The following SEL1L3 variants were observed in gnomAD, a reference collection of about 807,000 sequenced individuals.
SEL1L3 encodes SEL1L family member 3, also known as protein sel-1 homolog 3.
A neutral mutation model predicts 142.8 loss-of-function variants in SEL1L3; 76 were observed. The ratio of observed to expected loss-of-function variants is 0.53; its 90% CI spans 0.44 to 0.64. The LOEUF is 0.64. SEL1L3 is among the 30% of genes least tolerant of loss of function. The pLI, the probability that SEL1L3 is intolerant of heterozygous loss-of-function variation, is 0.00. For synonymous variants in SEL1L3, 504 were observed against 519.6 expected (o/e 0.97, Z 0.41); for missense variants, 1,262 against 1,381.7 (o/e 0.91, Z 1.37).
At chr4:25,752,640 G>C (rs1421730796) in intron 23 of SEL1L3, among the ~76,000 whole-genome samples, 1 of 152,122 alleles carries the variant, frequency 6.6e-6, no homozygotes, top group Non-Finnish European at 1.5e-5. Flanking sequence ...TTGTTTTTGA[G>C]ACAGAGTTTC....
chr4:25,817,602 A>T (rs562739427), intron 9 of SEL1L3, among the ~76,000 whole-genome samples: 14 of 152,328 alleles, frequency 9.2e-5, no homozygotes, highest in African/African-American at 3.4e-4. Flanking sequence ...CAGACGGGTC[A>T]GATCCATGAA....
At chr4:25,854,494 T>C (rs1717112976) in intron 1 of SEL1L3, among the ~76,000 whole-genome samples, 1 of 152,188 alleles carries the variant, frequency 6.6e-6, no homozygotes, top group East Asian at 1.9e-4. Context: ...GCCAGGCTGC[T>C]CTCGAACTTC....
At chr4:25,784,143 G>C in intron 14 of SEL1L3, 85 bp downstream of exon 14, 1 of 1,153,116 alleles carries the variant, frequency 8.7e-7, no homozygotes. Context: ...GTAGGAAGAG[G>C]CTGGCCATTT....
chr4:25,756,247 G>A (rs1465866110), intron 23 of SEL1L3: 1 of 985,216 alleles, frequency 1.0e-6, no homozygotes, highest in Non-Finnish European at 1.2e-6. Context: ...GTCCGAGATG[G>A]TAAAAAATCA....
chr4:25,843,973 T>C (rs1276071448), intron 2 of SEL1L3, among the ~76,000 whole-genome samples: 1 of 152,224 alleles, frequency 6.6e-6, no homozygotes, highest in African/African-American at 2.4e-5. Flanking sequence ...TTTGACTCTT[T>C]TTATACATGA....
the SEL1L3 span, among the ~76,000 whole-genome samples, chr4:25,716,736 A>G: frequency 6.6e-6 from 1 of 152,220 alleles, no homozygotes; most frequent in Non-Finnish European, 1.5e-5. Flanking sequence ...TATTACTTAA[A>G]TAAAATTTTA....
the SEL1L3 span, chr4:25,718,830 T>G: frequency 6.6e-6 from 1 of 152,212 alleles, no homozygotes; most frequent in Non-Finnish European, 1.5e-5. Flanking sequence ...CCATGATACA[T>G]GCTAGTCATA....
chr4:25,846,125 G>C (rs751603350), intron 2 of SEL1L3, among the ~76,000 whole-genome samples: 1 of 152,202 alleles, frequency 6.6e-6, no homozygotes, highest in African/African-American at 2.4e-5. Context: ...CCCACTGAGG[G>C]GGCAGAAGAA....
chr4:25,768,264 G>C (rs1381394052), intron 17 of SEL1L3, among the ~76,000 whole-genome samples: 1 of 152,226 alleles, frequency 6.6e-6, no homozygotes, highest in Non-Finnish European at 1.5e-5. Flanking sequence ...CTGAGCTTTT[G>C]TTGTGCATTA....
downstream of SEL1L3, among the ~76,000 whole-genome samples, chr4:25,746,411 C>T (rs1397551507): frequency 4.7e-5 from 7 of 149,536 alleles, no homozygotes; most frequent in South Asian, 8.5e-4. Flanking sequence ...CCCTGCTACT[C>T]GGAGGCTGAG....
chr4:25,845,857 C>T (rs1040616849), intron 2 of SEL1L3, among the ~76,000 whole-genome samples: 3 of 152,156 alleles, frequency 2.0e-5, no homozygotes, highest in African/African-American at 4.8e-5. Context: ...GGTCGGGACA[C>T]GGGAACCATA....
At chr4:25,769,978 A>T (rs114769922) in intron 17 of SEL1L3, among the ~76,000 whole-genome samples, 1,551 of 152,118 alleles carry the variant, frequency 0.01, 31 homozygotes, top group African/African-American at 0.035. Context: ...ACACAAAAAA[A>T]TTAGCTCGGC....
At chr4:25,758,483 CAA>C (rs758385426) in intron 21 of SEL1L3, among the ~76,000 whole-genome samples, 35 of 152,228 alleles carry the variant, frequency 2.3e-4, no homozygotes, top group Non-Finnish European at 4.6e-4. Flanking sequence ...AATAAACAAA[CAA>C]GAGACAAGCA....
intron 23 of SEL1L3, among the ~76,000 whole-genome samples, chr4:25,752,177 G>A (rs1717642701): frequency 1.3e-5 from 2 of 151,214 alleles, no homozygotes; most frequent in African/African-American, 4.9e-5. Flanking sequence ...AATACTTTGG[G>A]AGGCTGAGTC....
At chr4:25,786,843 C>T (rs1711877666) in intron 13 of SEL1L3, among the ~76,000 whole-genome samples, 1 of 152,190 alleles carries the variant, frequency 6.6e-6, no homozygotes, top group Admixed American at 6.5e-5. Flanking sequence ...AATTTGGAAA[C>T]CACAACAACC....
In SEL1L3 at chr4:25,852,611, T is replaced by C. The variant is rs149397801; in HGVS notation, c.163-4747A>G. 2.4e-4 allele frequency among the ~76,000 whole-genome samples: 37 copies of C among 152,326 alleles called. No individual in the cohort carries two copies. The East Asian group carries it at 6.2e-3, about 25-fold the overall frequency. ...CCTTATTCCAAAGCAATGCCCCGAA[T>C]GTTTCCCTCACTAATCCCACAAATA... On this transcript the variant is annotated intron_variant, in intron 1 of 23. Coordinates refer to ENST00000399878, the MANE Select transcript of SEL1L3 (RefSeq NM_015187.5).
the SEL1L3 span, among the ~76,000 whole-genome samples, chr4:25,738,730 C>A: frequency 6.6e-6 from 1 of 152,130 alleles, no homozygotes; most frequent in Non-Finnish European, 1.5e-5. Flanking sequence ...CACATCATAA[C>A]CATTGTGTGC....
chr4:25,804,541 C>CT lies in SEL1L3; in HGVS notation c.1775dup (p.Met594HisfsTer4). 1 of 1,603,300 alleles carries CT rather than the reference C, an allele frequency of 6.2e-7. No individual in the cohort carries two copies. The highest frequency in any genetic ancestry group is 8.5e-7 in the Non-Finnish European group (1 of 1,172,588). On this transcript the variant is annotated frameshift_variant and splice_region_variant, in exon 10 of 24. Transcript: ENST00000399878. LOFTEE classifies it high-confidence loss of function. The stretch of plus-strand genomic sequence containing the variant: ...TTAATGGAGCAATGAAATACTCTAC[C>CT]TGCAGCTGATCCCGAGGAACATTTA...
downstream of SEL1L3, among the ~76,000 whole-genome samples, chr4:25,743,740 C>T (rs1436723511): frequency 6.6e-6 from 1 of 152,174 alleles, no homozygotes; most frequent in East Asian, 1.9e-4. Flanking sequence ...TTTGAATAGA[C>T]TGGGAGGCAG....
Sources: gnomAD v4.1 joint callset for allele counts (sites outside exome capture counted in the v4.1 genomes callset) on GRCh38, gnomAD v4.1.1 for gene constraint, MANE v1.5 for transcripts, NCBI Gene and HGNC (gene_info 2026-07-23, HGNC 2026-07-21) for gene names.